VWA8: variants seen among roughly 807,000 people sequenced by gnomAD.
VWA8 encodes von Willebrand factor A domain-containing protein 8.
Under a neutral mutation model 241.5 loss-of-function variants are expected in VWA8, and 221 were observed. The observed-to-expected ratio is 0.91, with a 90% CI of 0.82 to 1.02. The LOEUF (loss-of-function observed/expected upper bound fraction) is 1.02. Among genes scored for constraint, VWA8 ranks in the 50% least tolerant of loss-of-function variants. The pLI, the probability that VWA8 is intolerant of heterozygous loss-of-function variation, is 0.00. For missense variants in VWA8, 2,322 were observed against 2,328.7 expected, an observed-to-expected ratio of 1.00 and a Z score of 0.06; for synonymous variants, 852 against 827.1, an observed-to-expected ratio of 1.03 and a Z score of -0.52.
intron 20 of VWA8, among the ~76,000 whole-genome samples, chr13:41,770,819 G>T (rs2045815910): frequency 6.7e-6 from 1 of 149,844 alleles, no homozygotes; most frequent in Middle Eastern, 3.4e-3. Flanking sequence ...AAATATGGAT[G>T]GGAATACAAG....
At chr13:41,722,056 C>T (rs895820946) in intron 24 of VWA8, among the ~76,000 whole-genome samples, 1 of 152,132 alleles carries the variant, frequency 6.6e-6, no homozygotes, top group Non-Finnish European at 1.5e-5. Flanking sequence ...GCCTTTTTAA[C>T]TTCAACAAAT....
chr13:41,954,690 G>GGATAT (rs1202643186), intron 1 of VWA8, among the ~76,000 whole-genome samples: 1 of 152,142 alleles, frequency 6.6e-6, no homozygotes, highest in African/African-American at 2.4e-5. Context: ...AATAGAGATA[G>GGATAT]GATATTCTAT....
intron 14 of VWA8, among the ~76,000 whole-genome samples, chr13:41,827,474 G>A (rs1266965471): frequency 6.6e-6 from 1 of 152,198 alleles, no homozygotes; most frequent in African/African-American, 2.4e-5. Context: ...AGTAGCCTCT[G>A]GGGAGTAAGA....
rs774422606 is a variant in VWA8 at position 41,886,758 on chromosome 13, GACATT to G, written c.866+18_866+22del. On this transcript the variant is annotated intron_variant, in intron 7 of 44. Transcript: ENST00000379310. ...AAACAAATTCAATATTCAGTGTCCA[GACATT>G]TATAAAAATATACTTACTTCTCAGC... 2 of 1,565,602 alleles carry G rather than the reference GACATT, an allele frequency of 1.3e-6. No individual in the cohort carries two copies. Among genetic ancestry groups the G allele is most frequent in the African/African-American group, 2.7e-5 (2 of 72,842 alleles).
At chr13:41,800,038 A>G (rs2137959389) in intron 17 of VWA8, among the ~76,000 whole-genome samples, 1 of 152,324 alleles carries the variant, frequency 6.6e-6, no homozygotes, top group African/African-American at 2.4e-5. Context: ...GAGCCAAACA[A>G]TATGTGGTCC....
chr13:41,833,589 C>G, intron 12 of VWA8, 58 bp from the exon 13 acceptor site: 1 of 1,498,874 alleles, frequency 6.7e-7, no homozygotes, highest in Non-Finnish European at 8.9e-7. Flanking sequence ...TTAAGACATG[C>G]AAGGTAGCTT....
chr13:41,822,807 T>C (rs1430562998), intron 14 of VWA8, among the ~76,000 whole-genome samples: 1 of 152,132 alleles, frequency 6.6e-6, no homozygotes, highest in African/African-American at 2.4e-5. Context: ...CATAACAACA[T>C]GGATGATCTC....
intron 40 of VWA8, among the ~76,000 whole-genome samples, chr13:41,601,521 T>C (rs1460402133): frequency 1.3e-5 from 2 of 152,130 alleles, no homozygotes; most frequent in African/African-American, 2.4e-5. Flanking sequence ...ATTATGATTA[T>C]AGATCAGAAA....
chr13:41,625,253 C>T (rs972364293), intron 37 of VWA8, among the ~76,000 whole-genome samples: 2 of 152,070 alleles, frequency 1.3e-5, no homozygotes, highest in Admixed American at 6.6e-5. Flanking sequence ...AACTAAAGAG[C>T]TTCTGCACAG....
intron 43 of VWA8, among the ~76,000 whole-genome samples, chr13:41,573,108 CAAAAAAAAA>C (rs71086585): frequency 1.4e-5 from 1 of 72,410 alleles, no homozygotes; most frequent in African/African-American, 4.7e-5. Flanking sequence ...GACACCGTTT[CAAAAAAAAA>C]AAAAAAAAAA....
intron 21 of VWA8, among the ~76,000 whole-genome samples, chr13:41,749,907 G>A (rs561517345): frequency 1.5e-3 from 227 of 151,722 alleles, no homozygotes; most frequent in African/African-American, 5.2e-3. Context: ...ATAGCATTAG[G>A]AGATATACCT....
At chr13:41,959,855 G>T (rs908309440) in intron 1 of VWA8, among the ~76,000 whole-genome samples, 1 of 152,068 alleles carries the variant, frequency 6.6e-6, no homozygotes. Flanking sequence ...TGATCCGCCC[G>T]CCTCAGCCTC....
At chr13:41,715,403 T>A (rs2045342243) in intron 26 of VWA8, among the ~76,000 whole-genome samples, 1 of 152,034 alleles carries the variant, frequency 6.6e-6, no homozygotes, top group African/African-American at 2.4e-5. Context: ...TAAAATAGTG[T>A]ATAAGTTTCT....
At chr13:41,822,544 T>C (rs190517977) in intron 14 of VWA8, among the ~76,000 whole-genome samples, 9 of 152,304 alleles carry the variant, frequency 5.9e-5, no homozygotes, top group African/African-American at 2.2e-4. Flanking sequence ...CGGCTATTGT[T>C]AATGACCATC....
In VWA8 at chr13:41,690,277, T is replaced by C. The variant is rs758731737; in HGVS notation, c.3867-2A>G. 1 of 1,604,710 alleles carries C rather than the reference T, an allele frequency of 6.2e-7. No individual in the cohort carries two copies. Among genetic ancestry groups the C allele is most frequent in the Admixed American group, 1.7e-5 (1 of 58,756 alleles). ...GCAGGCTTAGTTAAAAGATATTTCCTGCAAACAAACAAAACATCTAGCTTA... is the reference window on the plus strand; with the variant it reads ...GCAGGCTTAGTTAAAAGATATTTCCCGCAAACAAACAAAACATCTAGCTTA... On this transcript the variant is annotated splice_acceptor_variant, in intron 32 of 44. Coordinates refer to ENST00000379310, the MANE Select transcript of VWA8 (RefSeq NM_015058.2). LOFTEE classifies it high-confidence loss of function.
At chr13:41,641,704 A>G (rs148939968) in intron 37 of VWA8, among the ~76,000 whole-genome samples, 1 of 152,158 alleles carries the variant, frequency 6.6e-6, no homozygotes, top group African/African-American at 2.4e-5. Flanking sequence ...TGACAACCAG[A>G]GGATCTTAGG....
At chr13:41,929,513 A>G (rs1474405297) in intron 2 of VWA8, among the ~76,000 whole-genome samples, 1 of 152,208 alleles carries the variant, frequency 6.6e-6, no homozygotes, top group Non-Finnish European at 1.5e-5. Context: ...ATGTGCAACT[A>G]GTATGTATCA....
intron 9 of VWA8, among the ~76,000 whole-genome samples, chr13:41,875,521 C>T (rs1402605069): frequency 6.6e-6 from 1 of 152,016 alleles, no homozygotes; most frequent in African/African-American, 2.4e-5. Context: ...GGGGGTTCAG[C>T]TTCATCTCCA....
intron 4 of VWA8, among the ~76,000 whole-genome samples, chr13:41,898,568 G>A (rs964227799): frequency 3.9e-5 from 6 of 152,240 alleles, no homozygotes; most frequent in South Asian, 2.1e-4. Flanking sequence ...CCAGTCCTGC[G>A]CCATGCGCTG....
Sources: gnomAD v4.1 joint callset for allele counts (sites outside exome capture counted in the v4.1 genomes callset) on GRCh38, gnomAD v4.1.1 for gene constraint, MANE v1.5 for transcripts, NCBI Gene and HGNC (gene_info 2026-07-23, HGNC 2026-07-21) for gene names.